The following DHX8 variants were observed in gnomAD, a reference collection of about 807,000 sequenced individuals.
DHX8 encodes the protein ATP-dependent RNA helicase DHX8.
DHX8 carries 67 observed loss-of-function variants against 140.7 expected under a neutral mutation model. That is an observed-to-expected ratio of 0.48 (90% CI 0.39 to 0.58). The LOEUF is 0.58. Among genes scored for constraint, DHX8 ranks in the 20% least tolerant of loss-of-function variants. The pLI, the probability that DHX8 is intolerant of heterozygous loss-of-function variation, is 0.00. For missense variants in DHX8, 887 were observed against 1,550.7 expected (o/e 0.57, Z 7.19); for synonymous variants, 533 against 553.2 (o/e 0.96, Z 0.51).
chr17:43,512,767 G>A (rs1307624149), intron 16 of DHX8, among the ~76,000 whole-genome samples: 1 of 152,192 alleles, frequency 6.6e-6, no homozygotes, highest in Non-Finnish European at 1.5e-5. Flanking sequence ...TTGGGTGGAA[G>A]AACAGTGACA....
chr17:43,534,060 G>T, intron 2 of DHX8: 1 of 1,388,522 alleles, frequency 7.2e-7, no homozygotes. Flanking sequence ...GATACCTTCT[G>T]AGCTTTGAGG....
chr17:43,497,655 T>C (rs1218950107), intron 9 of DHX8, among the ~76,000 whole-genome samples: 1 of 151,976 alleles, frequency 6.6e-6, no homozygotes, highest in African/African-American at 2.4e-5. Context: ...CTGGGGAGGC[T>C]GAAGTGGGAG....
At chr17:43,526,721 C>A, downstream of DHX8, 1 of 1,426,614 alleles carries the variant, frequency 7.0e-7, no homozygotes, top group South Asian at 1.5e-5. Flanking sequence ...GGGTTTCCAC[C>A]GATTTTTACA....
intron 7 of DHX8, 47 bp downstream of exon 7, chr17:43,493,636 T>C (rs1426497174): frequency 1.2e-6 from 2 of 1,614,080 alleles, no homozygotes; most frequent in South Asian, 2.2e-5. Context: ...GCCAAGGGAA[T>C]GGAAGAGGAC....
chr17:43,526,451 T>A (rs1970620944), downstream of DHX8: 1 of 1,534,470 alleles, frequency 6.5e-7, no homozygotes, highest in Non-Finnish European at 8.7e-7. Flanking sequence ...CAGGTTTACT[T>A]CATCCCGCCT....
rs1969961486 is a variant in DHX8 at position 43,513,637 on chromosome 17, G to A, written c.2643+135G>A. On this transcript the variant is annotated intron_variant, in intron 17 of 22. Coordinates refer to ENST00000262415, the MANE Select transcript of DHX8 (RefSeq NM_004941.3). ...TACTGGGTACTATAATGACATGAGG[G>A]AAGGATTTTTTGTTATTTGTTTTTA... 4 of 768,526 alleles carry A rather than the reference G, an allele frequency of 5.2e-6. No individual in the cohort carries two copies. The South Asian group carries it at 1.1e-4, about 21-fold the overall frequency. The allele number at this position is 768,526 out of a possible 1,614,324, so 47.6% of individuals were successfully genotyped here. A position where few individuals can be genotyped will look rare whatever the true frequency, so the allele number is the denominator to read the frequency against.
chr17:43,520,372 G>A (rs1016657027), intron 19 of DHX8, 105 bp downstream of exon 19: 5 of 1,379,798 alleles, frequency 3.6e-6, no homozygotes, highest in Non-Finnish European at 3.9e-6. Flanking sequence ...GATAAGCTTT[G>A]AGTAAAATTC....
intron 18 of DHX8, chr17:43,518,385 T>A (rs1737736396): frequency 2.0e-5 from 3 of 152,170 alleles, no homozygotes; most frequent in Admixed American, 1.3e-4. Context: ...GAACACATGC[T>A]ACATGCCAGG....
At chr17:43,493,153 G>T in intron 6 of DHX8, 113 bp downstream of exon 6, 1 of 1,395,758 alleles carries the variant, frequency 7.2e-7, no homozygotes. Context: ...AGTCAAATCA[G>T]CCATACATGG....
At chr17:43,536,416 C>G (rs1971246248) in exon 3 of DHX8, 2 of 1,613,650 alleles carry the variant, frequency 1.2e-6, no homozygotes, top group Middle Eastern at 3.3e-4. Context: ...CCCCAGGGAC[C>G]TCTACTCACG....
At position 43,498,858 on chromosome 17, in the gene DHX8, T is replaced by G; in HGVS notation, c.1301-4T>G. On this transcript the variant is annotated splice_region_variant and splice_polypyrimidine_tract_variant and intron_variant, in intron 9 of 22. Transcript: ENST00000262415. The stretch of plus-strand genomic sequence containing the variant: ...GCTAATTCTTCTTTTGGGGGGACTT[T>G]TAGATGAGGACCTTGAGATTGAATT... 1 of 1,591,990 alleles carries G rather than the reference T, an allele frequency of 6.3e-7. No individual in the cohort carries two copies. Among genetic ancestry groups the G allele is most frequent in the Non-Finnish European group, 8.5e-7 (1 of 1,172,166 alleles).
chr17:43,534,797 C>T (rs773488115), intron 2 of DHX8, among the ~76,000 whole-genome samples: 7 of 152,070 alleles, frequency 4.6e-5, no homozygotes, highest in African/African-American at 7.2e-5. Flanking sequence ...AAAAATTAGC[C>T]GGGCGTGGTG....
chr17:43,484,384 C>G (rs889947646), intron 1 of DHX8, among the ~76,000 whole-genome samples, 199 bp downstream of exon 1: 1 of 152,116 alleles, frequency 6.6e-6, no homozygotes, highest in African/African-American at 2.4e-5. Flanking sequence ...GAAACTTTCC[C>G]AGAGCTGTCA....
rs372920079 is a variant in DHX8, at chr17:43,496,288, G to A, written c.1300+20G>A. On this transcript the variant is annotated intron_variant, in intron 9 of 22. Transcript: ENST00000262415. ...AAGAAGGTAACTAGTCAGTTGGATC[G>A]AGAAGGGTAATTGGCAAGTTGAGCC... 6 of 1,578,990 alleles carry A rather than the reference G, an allele frequency of 3.8e-6. No individual in the cohort carries two copies. In the East Asian group the frequency reaches 6.7e-5, roughly 18 times the overall value.
chr17:43,519,123 G>A (rs1374852809), intron 18 of DHX8: 1 of 152,176 alleles, frequency 6.6e-6, no homozygotes, highest in African/African-American at 2.4e-5. Flanking sequence ...ATACCTAGAA[G>A]TGTAATTGCT....
rs199735897 is a variant in DHX8, at chr17:43,489,538, T to C, written c.234+4T>C. On this transcript the variant is annotated splice_donor_region_variant and intron_variant, in intron 2 of 22. Transcript: ENST00000262415. ...CAAAAATGGTGCAGAATTTACGGTA[T>C]GTATATGTGGAGAAGATAATCTGTA... 8.3e-6 allele frequency: 13 copies of C among 1,561,088 alleles called. No individual in the cohort carries two copies. Among genetic ancestry groups the C allele is most frequent in the African/African-American group, 1.4e-5 (1 of 70,590 alleles).
At position 43,492,217 on chromosome 17, in the gene DHX8, T is replaced by C; in HGVS notation, c.428T>C (p.Val143Ala). 1 of 1,614,100 alleles carries C rather than the reference T, an allele frequency of 6.2e-7. No homozygotes were observed. The highest frequency in any genetic ancestry group is 2.2e-5 in the East Asian group (1 of 44,880). ...MLDEDDVKVAVDVLKELEALM... is the reference protein window; with the variant it reads ...MLDEDDVKVAADVLKELEALM... ...GATGAAGATGATGTGAAAGTTGCTGTGGATGTCCTGAAAGAACTGGAAGCT... is the reference window on the plus strand; with the variant it reads ...GATGAAGATGATGTGAAAGTTGCTGCGGATGTCCTGAAAGAACTGGAAGCT... Residue 143 changes from valine (V) to alanine (A), a missense_variant, in exon 5 of 23, where the codon GTG (valine) becomes GCG (alanine). Coordinates refer to ENST00000262415, the MANE Select transcript of DHX8 (RefSeq NM_004941.3).
At chr17:43,494,720 CAAAAA>C (rs572905119) in intron 8 of DHX8, among the ~76,000 whole-genome samples, 2 of 57,870 alleles carry the variant, frequency 3.5e-5, no homozygotes, top group South Asian at 1.1e-3. Context: ...GACTCTGTCT[CAAAAA>C]AAAAAAAAAA....
chr17:43,540,312 G>T (rs951124751), intron 3 of DHX8, among the ~76,000 whole-genome samples: 1 of 152,156 alleles, frequency 6.6e-6, no homozygotes, highest in Admixed American at 6.6e-5. Flanking sequence ...AATTAGCCAG[G>T]CATGGTGGTT....
Sources: allele counts gnomAD v4.1 joint callset (sites outside exome capture counted in the v4.1 genomes callset), GRCh38; gene constraint gnomAD v4.1.1; transcripts MANE v1.5; gene names NCBI Gene and HGNC (gene_info 2026-07-23, HGNC 2026-07-21).